Variants in NBAS observed in about 807,000 individuals in gnomAD.
NBAS encodes NBAS subunit of NRZ tethering complex, also known as NAG/BC035112 fusion.
Under a neutral mutation model 302.5 loss-of-function variants are expected in NBAS, and 219 were observed. That is an observed-to-expected ratio of 0.72 (90% confidence interval 0.65 to 0.81). NBAS has a LOEUF of 0.81. NBAS is among the 30% of genes least tolerant of loss of function. The probability of loss-of-function intolerance (pLI) is 0.00; values close to 1 mark genes in which losing one functional copy is unlikely to be tolerated. For synonymous variants in NBAS, 1,118 were observed against 1,021.6 expected, an observed-to-expected ratio of 1.09 and a Z score of -1.80; for missense variants, 2,932 against 2,841.6, an observed-to-expected ratio of 1.03 and a Z score of -0.72.
the NBAS span, among the ~76,000 whole-genome samples, chr2:14,801,895 T>G: frequency 6.7e-6 from 1 of 150,106 alleles, no homozygotes; most frequent in African/African-American, 2.5e-5. Flanking sequence ...TAAATTTGTT[T>G]GAGTTCATTG....
the NBAS span, among the ~76,000 whole-genome samples, chr2:14,983,405 A>T: frequency 6.6e-6 from 1 of 152,342 alleles, no homozygotes; most frequent in Non-Finnish European, 1.5e-5. Flanking sequence ...CTGAGTGTAT[A>T]GGTCCATAGA....
At chr2:15,485,671 T>C (rs1425631460) in intron 12 of NBAS, among the ~76,000 whole-genome samples, 4 of 152,236 alleles carry the variant, frequency 2.6e-5, no homozygotes, top group African/African-American at 4.8e-5. Flanking sequence ...TATTAAGCTA[T>C]ACAAGTATGC....
intron 36 of NBAS, among the ~76,000 whole-genome samples, chr2:15,330,310 A>C (rs1450821389): frequency 6.6e-6 from 1 of 152,304 alleles, no homozygotes; most frequent in Non-Finnish European, 1.5e-5. Context: ...AATAATAGCA[A>C]AAGCAAGTAA....
chr2:15,468,099 CCA>C (rs375054041), intron 17 of NBAS, among the ~76,000 whole-genome samples: 79 of 152,276 alleles, frequency 5.2e-4, no homozygotes, highest in African/African-American at 1.7e-3. Context: ...CTGAAAATGT[CCA>C]CAGAGTTTGC....
chr2:15,333,045 T>G (rs1168430391), intron 35 of NBAS, among the ~76,000 whole-genome samples: 1 of 152,116 alleles, frequency 6.6e-6, no homozygotes, highest in Non-Finnish European at 1.5e-5. Context: ...GAGAAATAAT[T>G]ACAAAATAAT....
chr2:14,830,213 C>A, the NBAS span, among the ~76,000 whole-genome samples: 1 of 152,124 alleles, frequency 6.6e-6, no homozygotes, highest in South Asian at 2.1e-4. Flanking sequence ...GTAGAGGGGC[C>A]ATCTTTTCTT....
At chr2:15,011,404 C>T in the NBAS span, among the ~76,000 whole-genome samples, 1 of 152,120 alleles carries the variant, frequency 6.6e-6, no homozygotes, top group Admixed American at 6.5e-5. Context: ...AGTATTAAAC[C>T]TCTTTTTTAA....
intron 44 of NBAS, among the ~76,000 whole-genome samples, chr2:15,259,281 G>A (rs1668746257): frequency 6.6e-6 from 1 of 152,160 alleles, no homozygotes; most frequent in Non-Finnish European, 1.5e-5. Context: ...TTATACGAAA[G>A]TGAAAACTAC....
intron 11 of NBAS, among the ~76,000 whole-genome samples, chr2:15,502,157 T>C (rs2148632638): frequency 6.6e-6 from 1 of 152,306 alleles, no homozygotes; most frequent in Non-Finnish European, 1.5e-5. Context: ...TCTCTGACAC[T>C]GGATAAGTGA....
At chr2:14,901,457 AG>A in the NBAS span, among the ~76,000 whole-genome samples, 1 of 152,042 alleles carries the variant, frequency 6.6e-6, no homozygotes, top group Admixed American at 6.6e-5. Flanking sequence ...AAAAATCGGA[AG>A]GGTAATTTTT....
chr2:15,154,994 A>T, the NBAS span, among the ~76,000 whole-genome samples: 2 of 152,244 alleles, frequency 1.3e-5, no homozygotes, highest in African/African-American at 2.4e-5. Context: ...GAGTAATTAA[A>T]TGTATAAAAT....
the NBAS span, among the ~76,000 whole-genome samples, chr2:14,967,784 A>T: frequency 2.0e-5 from 3 of 152,196 alleles, no homozygotes; most frequent in African/African-American, 7.2e-5. Context: ...AATGGAAAAA[A>T]ATATATTTGC....
rs150030853 is a variant in NBAS, at chr2:15,179,023, C to T, written c.6805G>A (p.Glu2269Lys). ...GCCGTGATTTGCTCCAGTGCCATCT[C>T]GTGCAGATGCTCATCTCGGCTCTCG... ...LLESRDEHLH[E>K]MALEQITAVT... Residue 2269 changes from glutamate (E) to lysine (K), a missense_variant, in exon 51 of 52, where the codon GAG (glutamate) becomes AAG (lysine). Coordinates refer to ENST00000281513, the MANE Select transcript of NBAS (RefSeq NM_015909.4). 7.3e-4 allele frequency: 1,177 copies of T among 1,613,904 alleles called. 3 individuals are homozygous for T. The highest frequency in any genetic ancestry group is 5.7e-3 in the East Asian group (255 of 44,862).
chr2:15,495,810 C>A (rs1264546250), intron 11 of NBAS, among the ~76,000 whole-genome samples: 1 of 152,092 alleles, frequency 6.6e-6, no homozygotes, highest in Non-Finnish European at 1.5e-5. Context: ...GATGTGGAGA[C>A]AATGGAAACA....
chr2:15,130,130 C>T, the NBAS span, among the ~76,000 whole-genome samples: 13 of 152,302 alleles, frequency 8.5e-5, 1 homozygote, highest in South Asian at 2.7e-3. Context: ...ACATTTCCTA[C>T]AAATTCAATT....
chr2:15,346,394 G>GA (rs1572695695), intron 35 of NBAS, among the ~76,000 whole-genome samples: 2 of 151,918 alleles, frequency 1.3e-5, no homozygotes, highest in South Asian at 2.1e-4. Flanking sequence ...AGAAACACAT[G>GA]AAAAAAAGCT....
chr2:15,542,119 G>C (rs2148694952), intron 6 of NBAS, among the ~76,000 whole-genome samples: 1 of 84,280 alleles, frequency 1.2e-5, no homozygotes, highest in East Asian at 2.1e-4. Flanking sequence ...CACCCCGTCT[G>C]GGAGGTGTAC....
the NBAS span, among the ~76,000 whole-genome samples, chr2:14,784,996 G>C: frequency 6.6e-6 from 1 of 152,148 alleles, no homozygotes; most frequent in South Asian, 2.1e-4. Context: ...TTATTTCATT[G>C]AGCAGTGGTT....
At position 15,413,332 on chromosome 2, in the gene NBAS, A is replaced by C. The variant is rs1263630403; in HGVS notation, c.2937+2214T>G. Among the ~76,000 whole-genome samples, 3 of 152,216 alleles carry C rather than the reference A, an allele frequency of 2.0e-5. No homozygotes were observed. The South Asian group carries it at 6.2e-4, about 32-fold the overall frequency. On this transcript the variant is annotated intron_variant, in intron 25 of 51. Transcript: ENST00000281513. ...GGCACTGTGCAATTCCCTGGTAATA[A>C]GGAGATAAATAAGATCTAGAAGATA...
Sources: gnomAD v4.1 joint callset for allele counts (sites outside exome capture counted in the v4.1 genomes callset) on GRCh38, gnomAD v4.1.1 for gene constraint, MANE v1.5 for transcripts, NCBI Gene and HGNC (gene_info 2026-07-23, HGNC 2026-07-21) for gene names.